MIPOL1: variants seen among roughly 807,000 people sequenced by gnomAD.
MIPOL1 encodes the protein mirror-image polydactyly gene 1 protein.
A neutral mutation model predicts 60.9 loss-of-function variants in MIPOL1; 57 were observed. The ratio of observed to expected loss-of-function variants is 0.94; its 90% CI spans 0.76 to 1.17. The LOEUF is 1.17. Among genes scored for constraint, MIPOL1 ranks in the 50% most tolerant of loss-of-function variants. The pLI is 0.00. For missense variants in MIPOL1, 551 were observed against 511.6 expected, an observed-to-expected ratio of 1.08 and a Z score of -0.74; for synonymous variants, 179 against 168.8, an observed-to-expected ratio of 1.06 and a Z score of -0.47.
At chr14:37,224,406 A>C (rs941713746) in intron 1 of MIPOL1, among the ~76,000 whole-genome samples, 1 of 152,232 alleles carries the variant, frequency 6.6e-6, no homozygotes, top group Admixed American at 6.5e-5. Flanking sequence ...CAAAAGAAAG[A>C]GGTTTAGTGA....
chr14:37,469,553 A>G (rs2094649207), intron 11 of MIPOL1, among the ~76,000 whole-genome samples: 1 of 152,160 alleles, frequency 6.6e-6, no homozygotes, highest in Admixed American at 6.6e-5. Flanking sequence ...ACTTGAAAGA[A>G]TAATGGCGGT....
chr14:37,422,726 A>C (rs925179338), intron 10 of MIPOL1, 129 bp from the exon 11 acceptor site: 2 of 609,194 alleles, frequency 3.3e-6, no homozygotes, highest in Non-Finnish European at 5.8e-6. Flanking sequence ...CTTATGAGAC[A>C]CTGCTAAAAA....
At chr14:37,479,444 A>G (rs2094827935) in intron 11 of MIPOL1, among the ~76,000 whole-genome samples, 1 of 152,162 alleles carries the variant, frequency 6.6e-6, no homozygotes, top group African/African-American at 2.4e-5. Flanking sequence ...CTGAACAACC[A>G]ATGCATATTG....
intron 10 of MIPOL1, among the ~76,000 whole-genome samples, chr14:37,414,363 T>A (rs2153541992): frequency 6.6e-6 from 1 of 152,334 alleles, no homozygotes; most frequent in South Asian, 2.1e-4. Context: ...TTAGTCATTG[T>A]AATTTTACCT....
At chr14:37,250,346 G>A (rs992980496) in intron 3 of MIPOL1, among the ~76,000 whole-genome samples, 2 of 152,164 alleles carry the variant, frequency 1.3e-5, no homozygotes, top group East Asian at 1.9e-4. Context: ...TCAGGAGTTC[G>A]AGGCCAGCCT....
chr14:37,387,180 G>A (rs981128473), intron 10 of MIPOL1, among the ~76,000 whole-genome samples: 9 of 151,520 alleles, frequency 5.9e-5, no homozygotes, highest in Non-Finnish European at 1.0e-4. Flanking sequence ...GAAACTGTGA[G>A]GAAAATTACT....
chr14:37,528,704 A>G (rs1258039908), intron 12 of MIPOL1, among the ~76,000 whole-genome samples: 1 of 152,202 alleles, frequency 6.6e-6, no homozygotes, highest in Non-Finnish European at 1.5e-5. Context: ...GGATTTACTT[A>G]TGGTACAAAT....
At chr14:37,359,999 T>C (rs562892503) in intron 9 of MIPOL1, among the ~76,000 whole-genome samples, 47 of 152,324 alleles carry the variant, frequency 3.1e-4, no homozygotes, top group African/African-American at 1.1e-3. Flanking sequence ...GTTCCATCAA[T>C]GTCTAGTTCA....
rs1357907136 is a variant in MIPOL1, at chr14:37,539,074, C to T, written c.1263-7831C>T. 3.3e-5 allele frequency among the ~76,000 whole-genome samples: 5 copies of T among 152,030 alleles called. No homozygotes were observed. The East Asian group carries it at 5.8e-4, about 18-fold the overall frequency. On this transcript the variant is annotated intron_variant, in intron 12 of 12. Coordinates refer to ENST00000684589, the MANE Select transcript of MIPOL1 (RefSeq NM_001388067.1). ...AAAATTAGCCGGGTGTGGTGGTGGG[C>T]GCCTGTAGTCCCAGCTACTCGGGAG...
chr14:37,500,197 C>T, intron 12 of MIPOL1, 59 bp downstream of exon 12: 3 of 1,101,278 alleles, frequency 2.7e-6, no homozygotes, highest in Non-Finnish European at 3.9e-6. Flanking sequence ...AAAACACTTT[C>T]TTTTGGGAAC....
chr14:37,383,942 A>G (rs549492582), intron 10 of MIPOL1, among the ~76,000 whole-genome samples: 2 of 151,858 alleles, frequency 1.3e-5, no homozygotes, highest in Non-Finnish European at 2.9e-5. Context: ...TCAGCTCATC[A>G]TGGCAGAGGA....
chr14:37,479,175 A>G (rs2153597192), intron 11 of MIPOL1, among the ~76,000 whole-genome samples: 1 of 152,256 alleles, frequency 6.6e-6, no homozygotes, highest in Non-Finnish European at 1.5e-5. Flanking sequence ...TTGGACATGA[A>G]CAACACTTTA....
chr14:37,446,789 T>C (rs1281740999), intron 11 of MIPOL1, among the ~76,000 whole-genome samples: 1 of 151,938 alleles, frequency 6.6e-6, no homozygotes, highest in African/African-American at 2.4e-5. Context: ...ATGGATGAAA[T>C]TGGAAATCAT....
At chr14:37,315,383 A>G (rs1369110506) in intron 9 of MIPOL1, among the ~76,000 whole-genome samples, 1 of 152,202 alleles carries the variant, frequency 6.6e-6, no homozygotes, top group Admixed American at 6.6e-5. Flanking sequence ...ACAAGTCTGT[A>G]TGATCTTGGA....
chr14:37,468,278 C>T (rs1021441182), intron 11 of MIPOL1, among the ~76,000 whole-genome samples: 1 of 152,000 alleles, frequency 6.6e-6, no homozygotes, highest in African/African-American at 2.4e-5. Context: ...ACTTAACTGC[C>T]AGGGGGCTTC....
At chr14:37,215,484 G>A (rs1315387859) in intron 1 of MIPOL1, among the ~76,000 whole-genome samples, 4 of 151,622 alleles carry the variant, frequency 2.6e-5, no homozygotes, top group Non-Finnish European at 5.9e-5. Context: ...AACATAAAAT[G>A]GATACACAAA....
At chr14:37,459,847 G>A (rs1308612142) in intron 11 of MIPOL1, among the ~76,000 whole-genome samples, 1 of 152,122 alleles carries the variant, frequency 6.6e-6, no homozygotes, top group Non-Finnish European at 1.5e-5. Context: ...GGCCGGGGTG[G>A]GCAGATAAGT....
intron 9 of MIPOL1, among the ~76,000 whole-genome samples, chr14:37,322,244 C>T (rs946601751): frequency 1.3e-5 from 2 of 152,082 alleles, no homozygotes; most frequent in East Asian, 1.9e-4. Flanking sequence ...ACATTCTCTA[C>T]GTCTGACAAG....
chr14:37,213,341 T>A (rs1337048061), intron 1 of MIPOL1, among the ~76,000 whole-genome samples: 1 of 152,142 alleles, frequency 6.6e-6, no homozygotes, highest in Non-Finnish European at 1.5e-5. Context: ...GGAATTTGAA[T>A]TCTGTCAGAT....
Sources: allele counts gnomAD v4.1 joint callset (sites outside exome capture counted in the v4.1 genomes callset), GRCh38; gene constraint gnomAD v4.1.1; transcripts MANE v1.5; gene names NCBI Gene and HGNC (gene_info 2026-07-23, HGNC 2026-07-21).